Variants in CLEC12B observed in about 807,000 individuals in gnomAD.
CLEC12B encodes macrophage antigen h.
In CLEC12B, 25 loss-of-function variants were observed where a neutral mutation model predicts 36.1. That is an observed-to-expected ratio of 0.69 (90% CI 0.50 to 0.97). The LOEUF (loss-of-function observed/expected upper bound fraction) is 0.97. Ranked by LOEUF, CLEC12B falls within the 50% of genes least tolerant of loss-of-function variation. The pLI, the probability that CLEC12B is intolerant of heterozygous loss-of-function variation, is 0.00. For missense variants in CLEC12B, 325 were observed against 318.4 expected, an observed-to-expected ratio of 1.02 and a Z score of -0.16; for synonymous variants, 110 against 108.5, an observed-to-expected ratio of 1.01 and a Z score of -0.09.
chr12:10,010,511 T>C (rs1386883469), upstream of CLEC12B: 1 of 312,946 alleles, frequency 3.2e-6, no homozygotes, highest in African/African-American at 2.2e-5. Context: ...GAAACAGTTC[T>C]GACAGAGCAG....
chr12:10,006,241 G>T (rs1865223380), upstream of CLEC12B, among the ~76,000 whole-genome samples: 1 of 152,136 alleles, frequency 6.6e-6, no homozygotes, highest in South Asian at 2.1e-4. Flanking sequence ...CCCATTTTTT[G>T]ATGTGTTAAG....
At chr12:10,007,450 A>C (rs1865243747), upstream of CLEC12B, among the ~76,000 whole-genome samples, 1 of 152,216 alleles carries the variant, frequency 6.6e-6, no homozygotes, top group Admixed American at 6.5e-5. Context: ...AAAGAATACT[A>C]CCTCATATAC....
At chr12:10,010,200 T>TCTCTCACACACA (rs370060573), upstream of CLEC12B, among the ~76,000 whole-genome samples, 4 of 145,800 alleles carry the variant, frequency 2.7e-5, no homozygotes, top group African/African-American at 5.1e-5. Flanking sequence ...TGTCTCTCTC[T>TCTCTCACACACA]CACACACACA....
intron 1 of CLEC12B, among the ~76,000 whole-genome samples, chr12:10,011,511 A>C (rs1865327052): frequency 6.6e-6 from 1 of 151,896 alleles, no homozygotes; most frequent in African/African-American, 2.4e-5. Context: ...GGGTGAGAGA[A>C]ATTAGATAAT....
upstream of CLEC12B, among the ~76,000 whole-genome samples, chr12:10,007,573 G>A (rs1865245868): frequency 6.6e-6 from 1 of 152,136 alleles, no homozygotes; most frequent in African/African-American, 2.4e-5. Context: ...CGTTTAGTTT[G>A]TAGAAAGAGA....
chr12:10,018,616 G>T lies in CLEC12B; in HGVS notation c.*135G>T. 1 of 711,126 alleles carries T rather than the reference G, an allele frequency of 1.4e-6. No homozygotes were observed. Among genetic ancestry groups the T allele is most frequent in the East Asian group, 2.8e-5 (1 of 35,296 alleles). 44.1% of individuals were successfully genotyped at this position (711,126 alleles called of 1,614,324 possible). On this transcript the variant is annotated 3_prime_UTR_variant, in exon 6 of 6. Transcript: ENST00000338896. ...TTTACATTATCAGACAAATGAACTT[G>T]TTTAACAGAACATTCTCCAGTTCCT...
chr12:10,017,603 C>T, intron 5 of CLEC12B: 4 of 985,786 alleles, frequency 4.1e-6, no homozygotes, highest in Non-Finnish European at 4.8e-6. Context: ...TTCCAGATTG[C>T]ATAGCCATTT....
intron 5 of CLEC12B, chr12:10,016,278 ATGTTGAGGACT>A (rs1591870611): frequency 6.6e-6 from 1 of 152,532 alleles, no homozygotes; most frequent in East Asian, 1.9e-4. Flanking sequence ...AATTAGTGTC[ATGTTGAGGACT>A]TGCCAATTAC....
Position 10,018,345 on chromosome 12 carries a change from A to G in CLEC12B, c.695A>G (p.Glu232Gly), listed in dbSNP as rs1024338845. The part of the protein sequence containing the change: ...VPSPSLFSTK[E>G]LDQINGSKGC... ...TTAATTTTCAGATTTAGTACTAAAG[A>G]ACTTGACCAGATCAATGGATCCAAA... The change falls in exon 6 of 6, where the codon GAA (glutamate) becomes GGA (glycine). Residue 232 changes from glutamate to glycine, a missense_variant. Coordinates refer to ENST00000338896, the MANE Select transcript of CLEC12B (RefSeq NM_001129998.3). 1.1e-4 allele frequency: 161 copies of G among 1,489,488 alleles called. No homozygotes were observed. The highest frequency in any genetic ancestry group is 3.2e-4 in the Admixed American group (15 of 47,610). The allele number at this position is 1,489,488 out of a possible 1,614,324, so 92.3% of individuals were successfully genotyped here. A position where few individuals can be genotyped will look rare whatever the true frequency, so the allele number is the denominator to read the frequency against.
At chr12:10,012,912 A>G (rs778266229) in intron 2 of CLEC12B, 29 bp downstream of exon 2, 1 of 1,484,314 alleles carries the variant, frequency 6.7e-7, no homozygotes. Context: ...AACCCAACAA[A>G]GGCAACTAGA....
intron 5 of CLEC12B, chr12:10,016,073 CT>C (rs2137275869): frequency 1.3e-6 from 1 of 777,024 alleles, no homozygotes; most frequent in South Asian, 5.3e-5. Flanking sequence ...AGTAACTTGC[CT>C]GAGGTCACTC....
intron 1 of CLEC12B, 93 bp downstream of exon 1, chr12:10,010,943 A>T (rs77229240): frequency 1.9e-4 from 138 of 731,012 alleles, no homozygotes; most frequent in Non-Finnish European, 3.0e-4. Context: ...CGTTAAAGAC[A>T]TGTGCTGTGA....
chr12:10,016,517 G>C, intron 5 of CLEC12B: 3 of 286,812 alleles, frequency 1.0e-5, no homozygotes, highest in Non-Finnish European at 1.6e-5. Flanking sequence ...AAAAAATTTT[G>C]AGGAACACCT....
chr12:10,008,960 G>C (rs546519749), upstream of CLEC12B, among the ~76,000 whole-genome samples: 7 of 152,292 alleles, frequency 4.6e-5, no homozygotes, highest in East Asian at 1.9e-4. Flanking sequence ...TGTCTTACAA[G>C]AGGATTGTAA....
upstream of CLEC12B, among the ~76,000 whole-genome samples, chr12:10,007,904 A>G (rs1484560698): frequency 6.6e-6 from 1 of 152,216 alleles, no homozygotes; most frequent in Admixed American, 6.5e-5. Flanking sequence ...GAAATGAGAC[A>G]TGAGGGATTG....
chr12:10,017,001 GAAT>G (rs779525070), intron 5 of CLEC12B: 49 of 978,826 alleles, frequency 5.0e-5, no homozygotes, highest in Non-Finnish European at 5.8e-5. Context: ...TTCTTAAACT[GAAT>G]AATAATCACT....
At chr12:10,007,241 T>C (rs1437741417), upstream of CLEC12B, among the ~76,000 whole-genome samples, 2 of 152,066 alleles carry the variant, frequency 1.3e-5, no homozygotes, top group Non-Finnish European at 2.9e-5. Flanking sequence ...CTTCTGCTTG[T>C]TTTAATATAG....
chr12:10,008,246 AT>A (rs1865253611), upstream of CLEC12B, among the ~76,000 whole-genome samples: 1 of 152,218 alleles, frequency 6.6e-6, no homozygotes, highest in African/African-American at 2.4e-5. Context: ...ATTTAATTTA[AT>A]TTTAATTAAT....
At chr12:10,015,819 A>G in intron 5 of CLEC12B, 92 bp downstream of exon 5, 3 of 1,587,438 alleles carry the variant, frequency 1.9e-6, no homozygotes, top group Non-Finnish European at 2.6e-6. Flanking sequence ...TACAGACATA[A>G]AAAGAGGAGT....
Sources: allele counts gnomAD v4.1 joint callset (sites outside exome capture counted in the v4.1 genomes callset), GRCh38; gene constraint gnomAD v4.1.1; transcripts MANE v1.5; gene names NCBI Gene and HGNC (gene_info 2026-07-23, HGNC 2026-07-21).